The following NTM variants were observed in gnomAD, a reference collection of about 807,000 sequenced individuals.
NTM encodes the protein IgLON family member 2.
NTM carries 13 observed loss-of-function variants against 42.1 expected under a neutral mutation model. The observed-to-expected ratio is 0.31, with a 90% confidence interval of 0.20 to 0.49. The LOEUF (loss-of-function observed/expected upper bound fraction) is 0.49, where lower values mean the gene tolerates loss of function less well. Ranked by LOEUF, NTM falls within the 20% of genes least tolerant of loss-of-function variation. The pLI is 0.99. For missense variants in NTM, 373 were observed against 452.8 expected, an observed-to-expected ratio of 0.82 and a Z score of 1.60; for synonymous variants, 187 against 179.2, an observed-to-expected ratio of 1.04 and a Z score of -0.35.
intron 1 of NTM, among the ~76,000 whole-genome samples, chr11:131,865,938 C>T (rs900847327): frequency 5.6e-4 from 82 of 145,506 alleles, no homozygotes; most frequent in African/African-American, 1.9e-3. Context: ...ACCTCCCACA[C>T]TCACACATGC....
chr11:132,314,835 AAGAGAGAGACACAGAAAGAAATGGAG>A, intron 7 of NTM, 132 bp downstream of exon 7: 1 of 1,401,098 alleles, frequency 7.1e-7, no homozygotes, highest in South Asian at 1.8e-5. Flanking sequence ...GAGGAAAAAA[AAGAGAGAGACACAGAAAGAAATGGAG>A]AGAGAGGGAC....
At chr11:131,747,636 G>A (rs1280731267) in intron 1 of NTM, among the ~76,000 whole-genome samples, 4 of 152,120 alleles carry the variant, frequency 2.6e-5, no homozygotes, top group African/African-American at 9.7e-5. Context: ...GGGGCCACAT[G>A]GACCATAGGA....
chr11:131,443,995 T>C (rs1410912651), intron 1 of NTM, among the ~76,000 whole-genome samples: 1 of 152,160 alleles, frequency 6.6e-6, no homozygotes, highest in Non-Finnish European at 1.5e-5. Flanking sequence ...CTAAGCCTCA[T>C]TCTGCTTCCC....
chr11:131,565,609 T>C (rs1250080960), intron 1 of NTM, among the ~76,000 whole-genome samples: 3 of 152,248 alleles, frequency 2.0e-5, no homozygotes, highest in African/African-American at 7.2e-5. Flanking sequence ...CAATAAATAT[T>C]GGATGCATAA....
At chr11:131,399,440 T>A (rs1944887129) in intron 1 of NTM, among the ~76,000 whole-genome samples, 1 of 152,224 alleles carries the variant, frequency 6.6e-6, no homozygotes, top group South Asian at 2.1e-4. Flanking sequence ...TTCTAGGTGC[T>A]AGGTACAACC....
chr11:131,585,464 AC>A, intron 1 of NTM, among the ~76,000 whole-genome samples: 1 of 151,414 alleles, frequency 6.6e-6, no homozygotes, highest in Middle Eastern at 3.4e-3. Context: ...GGTAGAGGGG[AC>A]CCCCCAGCAG....
At chr11:132,235,270 T>G (rs1337275502) in intron 4 of NTM, among the ~76,000 whole-genome samples, 2 of 152,190 alleles carry the variant, frequency 1.3e-5, no homozygotes, top group African/African-American at 4.8e-5. Flanking sequence ...CAATGATGCA[T>G]CAATAGGAAG....
At chr11:132,096,524 A>G (rs1032803171) in intron 2 of NTM, among the ~76,000 whole-genome samples, 8 of 152,160 alleles carry the variant, frequency 5.3e-5, no homozygotes, top group Non-Finnish European at 1.5e-5. Context: ...GCCATGGAGT[A>G]TTACTTATAA....
intron 1 of NTM, among the ~76,000 whole-genome samples, chr11:131,772,282 C>T (rs746730155): frequency 8.5e-5 from 13 of 152,144 alleles, no homozygotes; most frequent in South Asian, 2.1e-4. Context: ...CTAGTCCATC[C>T]GCCTACCCCT....
At chr11:131,473,745 A>G (rs1329669173) in intron 1 of NTM, among the ~76,000 whole-genome samples, 1 of 152,188 alleles carries the variant, frequency 6.6e-6, no homozygotes, top group African/African-American at 2.4e-5. Flanking sequence ...TATTTCAAAC[A>G]GAACCACTCT....
chr11:132,004,250 G>A (rs1313650063), intron 2 of NTM, among the ~76,000 whole-genome samples: 2 of 152,276 alleles, frequency 1.3e-5, no homozygotes, highest in Middle Eastern at 3.4e-3. Flanking sequence ...ATAAGAAAAT[G>A]TGAATTATAT....
At chr11:132,027,667 C>G (rs1380920940) in intron 2 of NTM, among the ~76,000 whole-genome samples, 1 of 152,182 alleles carries the variant, frequency 6.6e-6, no homozygotes, top group African/African-American at 2.4e-5. Context: ...CTCAGTTTCT[C>G]AAGTTTGCCT....
intron 1 of NTM, among the ~76,000 whole-genome samples, chr11:131,422,362 G>A (rs2135838518): frequency 6.6e-6 from 1 of 152,294 alleles, no homozygotes; most frequent in Non-Finnish European, 1.5e-5. Context: ...CCCATCTTCA[G>A]TCTGATTACA....
At chr11:132,203,816 A>G (rs944032221) in intron 3 of NTM, among the ~76,000 whole-genome samples, 2 of 152,044 alleles carry the variant, frequency 1.3e-5, no homozygotes, top group African/African-American at 4.8e-5. Context: ...GGAGAATGGC[A>G]TGAACCTGGG....
At chr11:131,401,860 A>ATATATATATATATATT (rs1350900091) in intron 1 of NTM, among the ~76,000 whole-genome samples, 1 of 107,732 alleles carries the variant, frequency 9.3e-6, no homozygotes, top group Admixed American at 1.1e-4. Context: ...ATATATATAT[A>ATATATATATATATATT]TTTTAATTTA....
intron 2 of NTM, among the ~76,000 whole-genome samples, chr11:132,143,884 T>G (rs530123492): frequency 6.6e-6 from 1 of 152,276 alleles, no homozygotes; most frequent in South Asian, 2.1e-4. Context: ...TTAGGTGTAG[T>G]AAGAGAGGTG....
At chr11:131,790,025 G>T (rs1169085407) in intron 1 of NTM, among the ~76,000 whole-genome samples, 2 of 141,156 alleles carry the variant, frequency 1.4e-5, no homozygotes, top group Non-Finnish European at 3.1e-5. Flanking sequence ...GTAGTTAAAT[G>T]AAAACAGAAA....
chr11:132,324,481 C>G (rs1326094213), intron 7 of NTM, among the ~76,000 whole-genome samples: 1 of 151,044 alleles, frequency 6.6e-6, no homozygotes, highest in Non-Finnish European at 1.5e-5. Context: ...TGAAGGACCT[C>G]TTCAAGGAGA....
At chr11:131,803,581 A>G (rs1242734468) in intron 1 of NTM, among the ~76,000 whole-genome samples, 1 of 152,192 alleles carries the variant, frequency 6.6e-6, no homozygotes, top group African/African-American at 2.4e-5. Flanking sequence ...AAGTGCTGGG[A>G]TTACAGGTGT....
Sources: allele counts gnomAD v4.1 joint callset (sites outside exome capture counted in the v4.1 genomes callset), GRCh38; gene constraint gnomAD v4.1.1; transcripts MANE v1.5; gene names NCBI Gene and HGNC (gene_info 2026-07-23, HGNC 2026-07-21).